Variants in CSMD1 observed in about 807,000 individuals in gnomAD.
The protein encoded by CSMD1 is CUB and sushi domain-containing protein 1.
Under a neutral mutation model 417.5 loss-of-function variants are expected in CSMD1, and 213 were observed. That is an observed-to-expected ratio of 0.51 (90% CI 0.46 to 0.57). The LOEUF (loss-of-function observed/expected upper bound fraction) is 0.57, where lower values mean the gene tolerates loss of function less well. Among genes scored for constraint, CSMD1 ranks in the 20% least tolerant of loss-of-function variants. The pLI, the probability that CSMD1 is intolerant of heterozygous loss-of-function variation, is 0.00. For missense variants in CSMD1, 6,923 were observed against 4,529.7 expected (o/e 1.53, Z -15.17); for synonymous variants, 2,862 against 1,736.8 (o/e 1.65, Z -16.11).
intron 3 of CSMD1, among the ~76,000 whole-genome samples, chr8:4,080,308 T>A (rs539923537): frequency 6.6e-6 from 1 of 152,146 alleles, no homozygotes; most frequent in Non-Finnish European, 1.5e-5. Context: ...TACCTAAGAG[T>A]AAGGCACGAT....
At chr8:4,745,743 TC>T (rs1810910760) in intron 1 of CSMD1, among the ~76,000 whole-genome samples, 1 of 152,196 alleles carries the variant, frequency 6.6e-6, no homozygotes, top group African/African-American at 2.4e-5. Context: ...AGTAACACTC[TC>T]CAACATATTT....
At chr8:3,547,762 T>C (rs999975707) in intron 10 of CSMD1, among the ~76,000 whole-genome samples, 7 of 152,220 alleles carry the variant, frequency 4.6e-5, no homozygotes, top group Admixed American at 4.6e-4. Flanking sequence ...AATAGAAATG[T>C]GTTGTGTTTT....
At chr8:3,668,321 G>C (rs1028404174) in intron 7 of CSMD1, among the ~76,000 whole-genome samples, 1 of 152,136 alleles carries the variant, frequency 6.6e-6, no homozygotes, top group Admixed American at 6.5e-5. Context: ...TAGGAAGGAG[G>C]GGCATGTCCC....
chr8:4,151,044 G>A (rs4875292), intron 3 of CSMD1, among the ~76,000 whole-genome samples: 1 of 151,926 alleles, frequency 6.6e-6, no homozygotes, highest in South Asian at 2.1e-4. Context: ...GTAATAAAAC[G>A]GTTGAGGAGC....
chr8:2,957,640 C>T, intron 63 of CSMD1, 56 bp downstream of exon 63: 1 of 1,106,900 alleles, frequency 9.0e-7, no homozygotes, highest in African/African-American at 1.6e-5. Flanking sequence ...AAACACGTCT[C>T]AGACATTCAC....
intron 49 of CSMD1, among the ~76,000 whole-genome samples, chr8:3,077,146 C>T (rs1813741676): frequency 6.6e-6 from 1 of 152,210 alleles, no homozygotes; most frequent in Admixed American, 6.5e-5. Flanking sequence ...TTCCTGGAGC[C>T]TGCCAAATCA....
At chr8:4,238,330 C>T (rs1156808948) in intron 3 of CSMD1, among the ~76,000 whole-genome samples, 4 of 152,284 alleles carry the variant, frequency 2.6e-5, no homozygotes, top group South Asian at 2.1e-4. Context: ...AGCATGTGCG[C>T]GAGGGTGGTC....
chr8:4,741,641 G>A (rs1029908616), intron 1 of CSMD1, among the ~76,000 whole-genome samples: 3 of 152,098 alleles, frequency 2.0e-5, no homozygotes, highest in East Asian at 1.9e-4. Context: ...GAACACACAC[G>A]AGTTTACTTA....
chr8:3,042,717 G>A (rs983472521), intron 50 of CSMD1, among the ~76,000 whole-genome samples: 1 of 152,106 alleles, frequency 6.6e-6, no homozygotes, highest in African/African-American at 2.4e-5. Flanking sequence ...TGTTATAAGA[G>A]CTCAGAGATT....
At chr8:4,094,039 G>C (rs937990232) in intron 3 of CSMD1, among the ~76,000 whole-genome samples, 2 of 151,888 alleles carry the variant, frequency 1.3e-5, no homozygotes, top group African/African-American at 2.4e-5. Context: ...AAAATCAATA[G>C]AATGCACCAG....
At chr8:4,096,995 T>G (rs1038970140) in intron 3 of CSMD1, among the ~76,000 whole-genome samples, 1 of 152,194 alleles carries the variant, frequency 6.6e-6, no homozygotes, top group Non-Finnish European at 1.5e-5. Flanking sequence ...TGGGCAGAGA[T>G]AAAATCTTTG....
chr8:3,648,970 C>G (rs145486471), intron 7 of CSMD1, among the ~76,000 whole-genome samples: 200 of 152,156 alleles, frequency 1.3e-3, no homozygotes, highest in African/African-American at 4.6e-3. Flanking sequence ...CAGCCCTGTG[C>G]ATGGTGTTTG....
intron 3 of CSMD1, among the ~76,000 whole-genome samples, chr8:4,042,451 A>G (rs1425050121): frequency 1.3e-5 from 2 of 152,080 alleles, no homozygotes; most frequent in South Asian, 2.1e-4. Context: ...TTATATGACA[A>G]AAATATTTTG....
At chr8:4,743,057 T>G (rs1810726200) in intron 1 of CSMD1, among the ~76,000 whole-genome samples, 1 of 152,210 alleles carries the variant, frequency 6.6e-6, no homozygotes, top group African/African-American at 2.4e-5. Context: ...TGTATTTTAT[T>G]ACATTAATTA....
At chr8:3,628,191 A>G (rs2117234877) in intron 7 of CSMD1, among the ~76,000 whole-genome samples, 1 of 152,318 alleles carries the variant, frequency 6.6e-6, no homozygotes, top group African/African-American at 2.4e-5. Flanking sequence ...CATTGTAACA[A>G]CGCGGTTGTA....
chr8:2,944,883 T>A (rs1233061871), intron 68 of CSMD1, among the ~76,000 whole-genome samples: 1 of 152,130 alleles, frequency 6.6e-6, no homozygotes, highest in African/African-American at 2.4e-5. Flanking sequence ...CATACTTTTA[T>A]CCATAATAGA....
At chr8:4,351,683 G>C (rs145354733) in intron 3 of CSMD1, among the ~76,000 whole-genome samples, 61 of 152,290 alleles carry the variant, frequency 4.0e-4, no homozygotes, top group African/African-American at 1.4e-3. Flanking sequence ...TCCAAGAGGA[G>C]ACTTGAATCC....
chr8:3,309,846 G>A (rs906275313), intron 23 of CSMD1, among the ~76,000 whole-genome samples: 2 of 152,294 alleles, frequency 1.3e-5, no homozygotes, highest in East Asian at 1.9e-4. Flanking sequence ...TGACTAATCA[G>A]GATTGAGATT....
At chr8:4,198,327 A>C (rs779534492) in intron 3 of CSMD1, among the ~76,000 whole-genome samples, 54 of 152,268 alleles carry the variant, frequency 3.5e-4, no homozygotes, top group Non-Finnish European at 6.8e-4. Context: ...CGACAAGAGT[A>C]CGTCATGGTG....
Sources: allele counts gnomAD v4.1 joint callset (sites outside exome capture counted in the v4.1 genomes callset), GRCh38; gene constraint gnomAD v4.1.1; transcripts MANE v1.5; gene names NCBI Gene and HGNC (gene_info 2026-07-23, HGNC 2026-07-21).